DHX34: variants seen among roughly 807,000 people sequenced by gnomAD.
The protein encoded by DHX34 is probable ATP-dependent RNA helicase DHX34.
In DHX34, 96 loss-of-function variants were observed where a neutral mutation model predicts 111.1. The observed-to-expected ratio is 0.86, with a 90% CI of 0.73 to 1.02. The LOEUF (loss-of-function observed/expected upper bound fraction) is 1.02, where lower values mean the gene tolerates loss of function less well. Among genes scored for constraint, DHX34 ranks in the 50% least tolerant of loss-of-function variants. DHX34 has a pLI of 0.00. For synonymous variants in DHX34, 688 were observed against 670.4 expected (o/e 1.03, Z -0.41); for missense variants, 1,560 against 1,579.9 (o/e 0.99, Z 0.21).
chr19:47,359,998 A>T lies in DHX34; in HGVS notation c.1303A>T (p.Lys435Ter), dbSNP rs1407030977. 6.2e-7 allele frequency: 1 copy of T among 1,614,026 alleles called. No individual in the cohort carries two copies. The highest frequency in any genetic ancestry group is 1.1e-5 in the South Asian group (1 of 91,072). ...TGATGTGGCACCCCCTGGAGTCCGG[A>T]AATGCATCCTCTCCACCAACATTGC... is the stretch of plus-strand genomic sequence containing the variant. Reference protein sequence around the residue: ...VFDVAPPGVRKCILSTNIAET... With the variant: ...VFDVAPPGVR Residue 435 changes from lysine (K) to a stop codon, truncating the protein, a stop_gained, in exon 5 of 17, where the codon AAA (lysine) becomes TAA (stop). Coordinates refer to ENST00000328771, the MANE Select transcript of DHX34 (RefSeq NM_014681.6). LOFTEE classifies it high-confidence loss of function.
Position 47,376,105 on chromosome 19 carries a change from C to G in DHX34, c.2481+8C>G. 1.3e-6 allele frequency: 2 copies of G among 1,541,340 alleles called. No individual in the cohort carries two copies. The highest frequency in any genetic ancestry group is 1.7e-6 in the Non-Finnish European group (2 of 1,145,996). On this transcript the variant is annotated splice_region_variant and intron_variant, in intron 11 of 16. Transcript: ENST00000328771. The stretch of plus-strand genomic sequence containing the variant: ...CGAAAGGACTCAGACCAGGTGGGGC[C>G]TGTTCTGCCCCATCCTATGTTTTGT...
intron 5 of DHX34, among the ~76,000 whole-genome samples, chr19:47,360,954 GCC>G (rs1969613677): frequency 6.6e-6 from 1 of 151,976 alleles, no homozygotes; most frequent in Admixed American, 6.6e-5. Context: ...ACGGGCATGA[GCC>G]ACCACGCCCA....
intron 1 of DHX34, among the ~76,000 whole-genome samples, chr19:47,349,994 T>A (rs1380397705): frequency 1.3e-5 from 2 of 152,150 alleles, no homozygotes; most frequent in Non-Finnish European, 2.9e-5. Flanking sequence ...GCCTCTCTAT[T>A]GCTCAGTAAA....
chr19:47,367,735 A>G (rs896298028), intron 7 of DHX34, among the ~76,000 whole-genome samples: 1 of 151,878 alleles, frequency 6.6e-6, no homozygotes, highest in Non-Finnish European at 1.5e-5. Flanking sequence ...TAAAAATACA[A>G]AAATTAGCTG....
At chr19:47,363,305 G>A (rs934296272) in intron 6 of DHX34, among the ~76,000 whole-genome samples, 1 of 151,896 alleles carries the variant, frequency 6.6e-6, no homozygotes, top group Admixed American at 6.6e-5. Flanking sequence ...TGCCCAGGCT[G>A]GTCTCAAACT....
In DHX34 at chr19:47,362,627, T is replaced by G; in HGVS notation, c.1527T>G (p.Tyr509Ter). ...VCFRLYAESD[Y>*]DAFAPYPVPE... ...TCCGCCTCTATGCCGAATCGGACTA[T>G]GATGCCTTCGCCCCCTACCCCGTCC... The change falls in exon 6 of 17, where the codon TAT (tyrosine) becomes TAG (stop). Residue 509 changes from tyrosine (Y) to a stop codon, truncating the protein, a stop_gained. Coordinates refer to ENST00000328771, the MANE Select transcript of DHX34 (RefSeq NM_014681.6). LOFTEE classifies it high-confidence loss of function. 1.2e-6 allele frequency: 2 copies of G among 1,613,866 alleles called. No individual in the cohort carries two copies. The highest frequency in any genetic ancestry group is 1.7e-6 in the Non-Finnish European group (2 of 1,179,996).
chr19:47,364,670 C>T (rs141598805), intron 6 of DHX34, among the ~76,000 whole-genome samples: 46 of 152,064 alleles, frequency 3.0e-4, no homozygotes, highest in African/African-American at 1.1e-3. Context: ...CCCAGGAGTT[C>T]GAGGCTGCAG....
Position 47,380,972 on chromosome 19 carries a change from C to T in DHX34, c.3139C>T (p.Leu1047Phe). The change falls in exon 15 of 17, where the codon CTC becomes TTC. Residue 1047 changes from leucine (L) to phenylalanine (F), a missense_variant. Coordinates refer to ENST00000328771, the MANE Select transcript of DHX34 (RefSeq NM_014681.6). The part of the protein sequence containing the change: ...TKGGYAVTDF[L>F]TYNCLTNDTD... The stretch of plus-strand genomic sequence containing the variant: ...GGGGGGCTACGCAGTCACTGACTTC[C>T]TCACCTACAACTGCCTCACGGTAAG... 6.3e-7 allele frequency: 1 copy of T among 1,588,324 alleles called. No individual in the cohort carries two copies. The highest frequency in any genetic ancestry group is 1.1e-5 in the South Asian group (1 of 87,256).
chr19:47,371,255 C>G (rs1034236138), intron 7 of DHX34, among the ~76,000 whole-genome samples: 2 of 152,228 alleles, frequency 1.3e-5, no homozygotes, highest in African/African-American at 4.8e-5. Flanking sequence ...GGGCTGGGGG[C>G]AGGTGCCCCC....
chr19:47,359,323 A>G (rs1010918312), intron 4 of DHX34, among the ~76,000 whole-genome samples: 2 of 152,118 alleles, frequency 1.3e-5, no homozygotes, highest in Non-Finnish European at 2.9e-5. Context: ...CTAGCTGGGC[A>G]TGGTGGCATG....
At chr19:47,381,771 T>G (rs567687105) in intron 16 of DHX34, 3 of 839,012 alleles carry the variant, frequency 3.6e-6, no homozygotes, top group Non-Finnish European at 4.3e-6. Flanking sequence ...CCTTGTGTCT[T>G]TCTCTCTGTC....
intron 4 of DHX34, among the ~76,000 whole-genome samples, chr19:47,358,453 AC>A (rs1969527366): frequency 6.9e-6 from 1 of 145,194 alleles, no homozygotes; most frequent in South Asian, 2.1e-4. Flanking sequence ...GTGTTCCAAA[AC>A]AGTTTTTTTT....
intron 7 of DHX34, among the ~76,000 whole-genome samples, chr19:47,369,248 A>G (rs1016193353): frequency 1.3e-5 from 2 of 152,014 alleles, no homozygotes; most frequent in Non-Finnish European, 2.9e-5. Flanking sequence ...ACTGACCTCA[A>G]GTGTTCTGCC....
rs777012455 is a variant in DHX34 at position 47,379,696 on chromosome 19, C to T, written c.2707-14C>T. On this transcript the variant is annotated splice_polypyrimidine_tract_variant and intron_variant, in intron 13 of 16. Transcript: ENST00000328771. ...CTCCCACCTACTCCCTGTCTTCTGC[C>T]CCCTCTCTTTCAGTCCCTCCTGCTT... is the stretch of plus-strand genomic sequence containing the variant. 10 of 1,585,124 alleles carry T rather than the reference C, an allele frequency of 6.3e-6. No individual in the cohort carries two copies. The African/African-American group carries it at 6.7e-5, about 11-fold the overall frequency.
chr19:47,369,788 T>C (rs748186901), intron 7 of DHX34, among the ~76,000 whole-genome samples: 40 of 151,904 alleles, frequency 2.6e-4, no homozygotes, highest in Non-Finnish European at 4.3e-4. Flanking sequence ...ATGGGAAGTG[T>C]TTAAGTGGAA....
chr19:47,381,102 G>A (rs146133544), intron 15 of DHX34, 84 bp from the exon 16 acceptor site: 95 of 1,578,614 alleles, frequency 6.0e-5, no homozygotes, highest in Non-Finnish European at 7.6e-5. Flanking sequence ...GGCCCTGAGG[G>A]CTTCTGGGAA....
intron 7 of DHX34, 150 bp from the exon 8 acceptor site, chr19:47,372,580 A>G: frequency 7.2e-7 from 1 of 1,393,770 alleles, no homozygotes; most frequent in Non-Finnish European, 9.3e-7. Flanking sequence ...CGTGGGTTTG[A>G]ATCTCCATCT....
At chr19:47,380,584 CA>C (rs1970321020) in intron 14 of DHX34, 12 of 966,354 alleles carry the variant, frequency 1.2e-5, no homozygotes, top group African/African-American at 2.0e-5. Flanking sequence ...CCACCAGTGA[CA>C]GGGGCAGAAG....
chr19:47,363,817 C>CAAAA (rs34357751), intron 6 of DHX34, among the ~76,000 whole-genome samples: 1 of 76,230 alleles, frequency 1.3e-5, no homozygotes, highest in Admixed American at 1.3e-4. Flanking sequence ...GACTCCATCT[C>CAAAA]AAAAAAAAAA....
Sources: allele counts gnomAD v4.1 joint callset (sites outside exome capture counted in the v4.1 genomes callset), GRCh38; gene constraint gnomAD v4.1.1; transcripts MANE v1.5; gene names NCBI Gene and HGNC (gene_info 2026-07-23, HGNC 2026-07-21).